The following ZMAT1 variants were observed in gnomAD, a reference collection of about 807,000 sequenced individuals.
ZMAT1 encodes the protein zinc finger matrin-type protein 1.
A neutral mutation model predicts 18.5 loss-of-function variants in ZMAT1; 11 were observed. The ratio of observed to expected loss-of-function variants is 0.59; its 90% CI spans 0.37 to 0.98. The LOEUF (loss-of-function observed/expected upper bound fraction) is 0.98. Ranked by LOEUF, ZMAT1 falls within the 50% of genes least tolerant of loss-of-function variation. The pLI, the probability that ZMAT1 is intolerant of heterozygous loss-of-function variation, is 0.01. For synonymous variants in ZMAT1, 211 were observed against 176.4 expected, an observed-to-expected ratio of 1.20 and a Z score of -1.55; for missense variants, 525 against 496.2, an observed-to-expected ratio of 1.06 and a Z score of -0.55.
intron 1 of ZMAT1, among the ~76,000 whole-genome samples, chrX:101,929,895 T>A (rs1930375101): frequency 1.8e-5 from 2 of 111,319 alleles, no homozygotes; most frequent in Non-Finnish European, 3.8e-5. Flanking sequence ...TTTACTCCCT[T>A]ATTTCAAAAA....
intron 2 of ZMAT1, among the ~76,000 whole-genome samples, chrX:101,900,019 G>A (rs895034637): frequency 3.6e-5 from 4 of 111,666 alleles, no homozygotes; most frequent in Admixed American, 1.9e-4. Flanking sequence ...AGGTGGTATC[G>A]CATTGTGGTT....
intron 4 of ZMAT1, chrX:101,888,978 A>G (rs1268932039): frequency 9.0e-6 from 1 of 111,494 alleles, no homozygotes; most frequent in Non-Finnish European, 1.9e-5. Flanking sequence ...TTCTCCACAA[A>G]CTACATCAGA....
intron 1 of ZMAT1, chrX:101,931,402 T>G: frequency 1.4e-6 from 1 of 740,505 alleles, no homozygotes; most frequent in Non-Finnish European, 1.6e-6. Flanking sequence ...CACTAAGGTG[T>G]CCTGGCTGGG....
At position 101,883,633 on chromosome X, in the gene ZMAT1, C is replaced by A; in HGVS notation, c.1965G>T (p.Lys655Asn). Reference protein sequence around the residue: ...VSSGKLKHRKKKKSHDVPSEK... With the variant: ...VSSGKLKHRKNKKSHDVPSEK... ...CGGAGGGTACATCATGGCTTTTTTTCTTTTTTCGATGCTTAAGCTTTCCTG... is the reference window on the plus strand; with the variant it reads ...CGGAGGGTACATCATGGCTTTTTTTATTTTTTCGATGCTTAAGCTTTCCTG... Residue 655 changes from lysine (K) to asparagine (N), a missense_variant, in exon 6 of 6, where the codon AAG becomes AAT. Lys to Asn is a moderately conservative substitution (Grantham distance 94). Transcript: ENST00000651725. The A allele has an allele frequency of 8.3e-7, 1 of 1,208,082 alleles. No homozygotes were observed. Among genetic ancestry groups the A allele is most frequent in the Non-Finnish European group, 1.1e-6 (1 of 894,356 alleles).
Position 101,884,302 on chromosome X carries a change from G to T in ZMAT1, c.1296C>A (p.Ser432Arg), listed in dbSNP as rs780356118. 72 of 1,208,047 alleles carry T rather than the reference G, an allele frequency of 6.0e-5. No individual in the cohort carries two copies. The highest frequency in any genetic ancestry group is 7.3e-5 in the Non-Finnish European group (65 of 894,600). The change falls in exon 6 of 6, where the codon AGC (serine) becomes AGA (arginine). Residue 432 changes from serine (S) to arginine (R), a missense_variant. Transcript: ENST00000651725. Reference sequence around the variant, plus strand: ...GGGTTGGTAGCCACTGAGGTAACTGGCTTTCCACTGGTGAAATATGGTATG... The same window carrying T: ...GGGTTGGTAGCCACTGAGGTAACTGTCTTTCCACTGGTGAAATATGGTATG... ...QRPYHISPVE[S>R]QLPQWLPTHS...
chrX:101,901,271 T>A (rs185446733), intron 2 of ZMAT1, among the ~76,000 whole-genome samples: 10 of 111,434 alleles, frequency 9.0e-5, no homozygotes, highest in Admixed American at 7.6e-4. Context: ...CAGTTTGACT[T>A]CCTCTTTACA....
chrX:101,894,052 T>A (rs12845960), intron 4 of ZMAT1, among the ~76,000 whole-genome samples: 1 of 111,429 alleles, frequency 9.0e-6, no homozygotes, highest in Non-Finnish European at 1.9e-5. Context: ...ATACTTACAC[T>A]TTAAGTCAAA....
chrX:101,914,856 G>A (rs187872350), intron 1 of ZMAT1, among the ~76,000 whole-genome samples: 1 of 111,502 alleles, frequency 9.0e-6, no homozygotes, highest in Admixed American at 9.5e-5. Context: ...GTATTACCCT[G>A]ATACCAAAAA....
chrX:101,887,483 C>T (rs968770568), intron 4 of ZMAT1: 5 of 116,735 alleles, frequency 4.3e-5, no homozygotes, highest in African/African-American at 1.6e-4. Context: ...CAAATTAATA[C>T]ATTTCATAAG....
chrX:101,923,316 G>A (rs769912282), intron 1 of ZMAT1, among the ~76,000 whole-genome samples: 1 of 111,977 alleles, frequency 8.9e-6, no homozygotes, highest in Non-Finnish European at 1.9e-5. Flanking sequence ...TTAACTAGCT[G>A]TGTGACTAAG....
At position 101,917,178 on chromosome X, in the gene ZMAT1, G is replaced by A. The variant is rs1417026572; in HGVS notation, c.293-12848C>T. Among the ~76,000 whole-genome samples the A allele has an allele frequency of 5.4e-5, 6 of 111,562 alleles. No homozygotes were observed. The South Asian group carries it at 1.1e-3, about 21-fold the overall frequency. On this transcript the variant is annotated intron_variant, in intron 1 of 5. Coordinates refer to ENST00000651725, the MANE Select transcript of ZMAT1 (RefSeq NM_001394560.1). ...CAAGCACAGGCAACAACATAAAAAC[G>A]GACAAATGGGATCATATCAAGTTAA...
At chrX:101,929,443 A>AGAT (rs1478724315) in intron 1 of ZMAT1, among the ~76,000 whole-genome samples, 1 of 85,781 alleles carries the variant, frequency 1.2e-5, no homozygotes. Context: ...ATATATATAT[A>AGAT]TATATATATA....
intron 1 of ZMAT1, chrX:101,915,544 T>A (rs1363735997): frequency 8.9e-6 from 1 of 111,823 alleles, no homozygotes; most frequent in African/African-American, 3.2e-5. Flanking sequence ...CATTTCTATA[T>A]GCCAACAATG....
At chrX:101,911,792 A>T in intron 1 of ZMAT1, 2 of 1,208,365 alleles carry the variant, frequency 1.7e-6, no homozygotes, top group Admixed American at 4.3e-5. Flanking sequence ...CTCCCGTCTC[A>T]TCGAACACCA....
rs768004099 is a variant in ZMAT1 at position 101,909,110 on chromosome X, T to G, written c.293-4780A>C. ...ACAAGGATAGAGCACCAGTCAGAGC[T>G]GTGAGGACCCTGTTCCAGGCCATAG... On this transcript the variant is annotated intron_variant, in intron 1 of 5. Coordinates refer to ENST00000651725, the MANE Select transcript of ZMAT1 (RefSeq NM_001394560.1). Among the ~76,000 whole-genome samples the G allele has an allele frequency of 9.1e-5, 10 of 109,590 alleles. No homozygotes were observed. The South Asian group carries it at 4.0e-3, about 44-fold the overall frequency.
rs1009755189 is a variant in ZMAT1 at position 101,897,920 on chromosome X, T to C, written c.624A>G (p.Gln208=). 12 of 1,211,461 alleles carry C rather than the reference T, an allele frequency of 9.9e-6. No homozygotes were observed. Among genetic ancestry groups the C allele is most frequent in the African/African-American group, 1.7e-5 (1 of 57,816 alleles). ...ATGCCTGATCATGTTCCTCCATTAA[T>C]TGCTTCAGTTTTTTAGCATGGACCT... The part of the protein sequence containing the change: ...VGKVHAKKLK[Q]LMEEHDQASP... Residue 208 remains glutamine (Q), a synonymous_variant, in exon 4 of 6, where the codon CAA becomes CAG. Transcript: ENST00000651725.
chrX:101,902,629 T>C (rs1413836982), intron 2 of ZMAT1, among the ~76,000 whole-genome samples: 2 of 111,561 alleles, frequency 1.8e-5, no homozygotes, highest in African/African-American at 3.3e-5. Flanking sequence ...CAATAAATAG[T>C]GCTGGAACAA....
At chrX:101,894,693 A>G in intron 4 of ZMAT1, 2 of 734,419 alleles carry the variant, frequency 2.7e-6, no homozygotes, top group Non-Finnish European at 3.2e-6. Flanking sequence ...GAGAAAACAA[A>G]AAAGAAACAG....
At chrX:101,925,393 C>G (rs1929995421) in intron 1 of ZMAT1, among the ~76,000 whole-genome samples, 1 of 111,715 alleles carries the variant, frequency 9.0e-6, no homozygotes, top group African/African-American at 3.3e-5. Context: ...GTTTTCATGA[C>G]CTAAGAAAAT....
Sources: gnomAD v4.1 joint callset for allele counts (sites outside exome capture counted in the v4.1 genomes callset) on GRCh38, gnomAD v4.1.1 for gene constraint, MANE v1.5 for transcripts, NCBI Gene and HGNC (gene_info 2026-07-23, HGNC 2026-07-21) for gene names.